Variants in ZPBP observed in about 807,000 individuals in gnomAD.
The protein encoded by ZPBP is zona pellucida binding protein.
A neutral mutation model predicts 44.8 loss-of-function variants in ZPBP; 26 were observed. The observed-to-expected ratio is 0.58, with a 90% CI of 0.43 to 0.81. ZPBP has a LOEUF of 0.81. Ranked by LOEUF, ZPBP falls within the 30% of genes least tolerant of loss-of-function variation. The pLI is 0.00. For missense variants in ZPBP, 409 were observed against 434.0 expected (o/e 0.94, Z 0.51); for synonymous variants, 174 against 153.2 (o/e 1.14, Z -1.00).
chr7:49,943,234 G>A, intron 7 of ZPBP: 1 of 309,944 alleles, frequency 3.2e-6, no homozygotes. Context: ...ATATATTCTG[G>A]CTTTACTTGT....
At chr7:49,877,481 A>AAAAAAAAATATACATATATATAT in intron 2 of ZPBP, among the ~76,000 whole-genome samples, 1 of 12,716 alleles carries the variant, frequency 7.9e-5, no homozygotes, top group Non-Finnish European at 1.4e-4. Context: ...AAAAAAAAAA[A>AAAAAAAAATATACATATATATAT]ATATATATAT....
At chr7:50,026,544 G>C (rs556534548) in intron 5 of ZPBP, among the ~76,000 whole-genome samples, 4 of 152,010 alleles carry the variant, frequency 2.6e-5, no homozygotes, top group African/African-American at 9.6e-5. Context: ...GTCTCAGTAA[G>C]TATAAGAAGA....
At chr7:49,869,083 G>A (rs1479004567) in intron 2 of ZPBP, among the ~76,000 whole-genome samples, 6 of 152,070 alleles carry the variant, frequency 3.9e-5, no homozygotes, top group African/African-American at 1.4e-4. Flanking sequence ...TACAAGTGAG[G>A]AAACATTTAC....
intron 2 of ZPBP, chr7:49,850,631 A>C (rs1004009107): frequency 1.2e-4 from 19 of 152,210 alleles, no homozygotes; most frequent in African/African-American, 4.6e-4. Flanking sequence ...CATATTACCT[A>C]AAGGATCAAC....
At chr7:50,089,806 C>T in intron 1 of ZPBP, 97 bp from the exon 2 acceptor site, 2 of 940,786 alleles carry the variant, frequency 2.1e-6, no homozygotes, top group Non-Finnish European at 3.4e-6. Flanking sequence ...AAGGGGAGAG[C>T]CATAATTCAA....
intron 2 of ZPBP, among the ~76,000 whole-genome samples, chr7:50,087,062 C>G (rs771792540): frequency 1.4e-4 from 21 of 151,970 alleles, no homozygotes; most frequent in Non-Finnish European, 2.5e-4. Flanking sequence ...ATCAAAAAAC[C>G]TCCCAAAAGG....
At chr7:50,066,433 G>A (rs1476458136) in intron 3 of ZPBP, among the ~76,000 whole-genome samples, 1 of 138,228 alleles carries the variant, frequency 7.2e-6, no homozygotes, top group Non-Finnish European at 1.6e-5. Context: ...AGTAGGTATG[G>A]TAGAGTTGTA....
intron 1 of ZPBP, among the ~76,000 whole-genome samples, chr7:49,930,715 C>G (rs886719217): frequency 6.6e-6 from 1 of 152,134 alleles, no homozygotes; most frequent in Non-Finnish European, 1.5e-5. Context: ...CCTAGCACTT[C>G]TACTTCTGAG....
chr7:49,867,925 C>T (rs1390067376), intron 2 of ZPBP, among the ~76,000 whole-genome samples: 3 of 151,952 alleles, frequency 2.0e-5, no homozygotes, highest in African/African-American at 7.3e-5. Context: ...TCTCCGCCTC[C>T]CAAGTTCAAG....
intron 7 of ZPBP, among the ~76,000 whole-genome samples, chr7:49,961,097 T>C (rs1795846306): frequency 6.6e-6 from 1 of 152,118 alleles, no homozygotes; most frequent in South Asian, 2.1e-4. Flanking sequence ...GACCCAGCAA[T>C]CACAGTCATA....
intron 6 of ZPBP, among the ~76,000 whole-genome samples, chr7:49,989,149 T>C (rs1797450937): frequency 6.6e-6 from 1 of 152,236 alleles, no homozygotes; most frequent in Non-Finnish European, 1.5e-5. Flanking sequence ...TTGGTTGTTT[T>C]ACCAAGGCTT....
chr7:49,877,520 T>A (rs1181405318), intron 2 of ZPBP, among the ~76,000 whole-genome samples: 3 of 73,296 alleles, frequency 4.1e-5, no homozygotes, highest in Admixed American at 1.4e-4. Context: ...ATATATATAG[T>A]TATTTGGTCA....
intron 7 of ZPBP, among the ~76,000 whole-genome samples, chr7:49,982,207 A>ATT (rs1562821213): frequency 6.7e-5 from 3 of 44,732 alleles, no homozygotes; most frequent in African/African-American, 3.6e-4. Context: ...TTTATTATAT[A>ATT]TATATATAAT....
intron 2 of ZPBP, among the ~76,000 whole-genome samples, chr7:49,870,866 A>G (rs539250547): frequency 6.6e-6 from 1 of 152,370 alleles, no homozygotes; most frequent in Non-Finnish European, 1.5e-5. Flanking sequence ...AGAAACCATC[A>G]ACAAAACATA....
chr7:49,900,413 A>G (rs1371708135), intron 2 of ZPBP, among the ~76,000 whole-genome samples: 1 of 151,758 alleles, frequency 6.6e-6, no homozygotes, highest in Non-Finnish European at 1.5e-5. Flanking sequence ...AGTTCTAAGT[A>G]TCTCACCAAG....
chr7:50,024,404 C>A (rs1349709394), intron 5 of ZPBP, among the ~76,000 whole-genome samples: 1 of 151,770 alleles, frequency 6.6e-6, no homozygotes, highest in East Asian at 1.9e-4. Flanking sequence ...ATGGAAATAA[C>A]CTAAGTGTTC....
intron 5 of ZPBP, among the ~76,000 whole-genome samples, chr7:50,023,257 G>A (rs933620137): frequency 8.5e-5 from 13 of 152,104 alleles, no homozygotes; most frequent in Non-Finnish European, 1.8e-4. Context: ...AAGGACTCAG[G>A]CTCTCTGAAA....
At chr7:50,068,349 C>T (rs1801640186) in intron 3 of ZPBP, among the ~76,000 whole-genome samples, 1 of 152,026 alleles carries the variant, frequency 6.6e-6, no homozygotes, top group African/African-American at 2.4e-5. Context: ...TCTGAGCTTT[C>T]TCCTGACACT....
intron 2 of ZPBP, among the ~76,000 whole-genome samples, chr7:49,887,082 C>T (rs1291793361): frequency 4.6e-5 from 7 of 152,144 alleles, no homozygotes; most frequent in Admixed American, 4.6e-4. Context: ...TGCACATGAA[C>T]ATTAAACTAC....
Sources: gnomAD v4.1 joint callset for allele counts (sites outside exome capture counted in the v4.1 genomes callset) on GRCh38, gnomAD v4.1.1 for gene constraint, MANE v1.5 for transcripts, NCBI Gene and HGNC (gene_info 2026-07-23, HGNC 2026-07-21) for gene names.